Variants in EMP1 observed in about 807,000 individuals in gnomAD.
EMP1 encodes the protein tumor-associated membrane protein.
In EMP1, 5 loss-of-function variants were observed where a neutral mutation model predicts 15.7. The ratio of observed to expected loss-of-function variants is 0.32; its 90% CI spans 0.17 to 0.67. The LOEUF (loss-of-function observed/expected upper bound fraction) is 0.67, where lower values mean the gene tolerates loss of function less well. Ranked by LOEUF, EMP1 falls within the 30% of genes least tolerant of loss-of-function variation. EMP1 has a pLI of 0.74. For missense variants in EMP1, 166 were observed against 194.2 expected, an observed-to-expected ratio of 0.85 and a Z score of 0.86; for synonymous variants, 78 against 76.7, an observed-to-expected ratio of 1.02 and a Z score of -0.09.
chr12:13,213,896 C>T (rs915820160), intron 4 of EMP1, 75 bp downstream of exon 4: 4 of 1,583,846 alleles, frequency 2.5e-6, no homozygotes, highest in Non-Finnish European at 3.4e-6. Flanking sequence ...GCAACTTGAA[C>T]AGATTAGCAC....
At chr12:13,205,106 G>A (rs1178603928) in intron 1 of EMP1, among the ~76,000 whole-genome samples, 1 of 152,210 alleles carries the variant, frequency 6.6e-6, no homozygotes, top group Non-Finnish European at 1.5e-5. Flanking sequence ...CATGACTGGA[G>A]GAGGTTAAGC....
chr12:13,204,705 C>T (rs978426487), intron 1 of EMP1, among the ~76,000 whole-genome samples: 3 of 152,170 alleles, frequency 2.0e-5, no homozygotes, highest in East Asian at 1.9e-4. Flanking sequence ...TCTCTCTCCT[C>T]GTGCTTTGGA....
intron 1 of EMP1, among the ~76,000 whole-genome samples, chr12:13,205,050 A>C (rs1864099569): frequency 6.6e-6 from 1 of 152,222 alleles, no homozygotes; most frequent in African/African-American, 2.4e-5. Context: ...ATTGTCAGAA[A>C]AATCTTTCTA....
chr12:13,206,988 C>CAAT (rs2121152925), intron 1 of EMP1, among the ~76,000 whole-genome samples: 1 of 151,460 alleles, frequency 6.6e-6, no homozygotes, highest in East Asian at 1.9e-4. Flanking sequence ...GGCAAGAAGC[C>CAAT]AATAAAGATT....
chr12:13,199,729 C>T (rs114491339), intron 1 of EMP1, among the ~76,000 whole-genome samples: 1,743 of 152,210 alleles, frequency 0.011, 39 homozygotes, highest in African/African-American at 0.04. Flanking sequence ...CACACTCATT[C>T]CCCTTAGCAG....
In EMP1 at chr12:13,218,607, G is replaced by GA. The variant is rs1329684776; in HGVS notation, c.*3917dup. The GA allele has an allele frequency of 6.6e-6, 1 of 152,174 alleles. No individual in the cohort carries two copies. Among genetic ancestry groups the GA allele is most frequent in the Non-Finnish European group, 1.5e-5 (1 of 68,040 alleles). 9.4% of individuals were successfully genotyped at this position (152,174 alleles called of 1,614,324 possible). ...TCAGAGCACAAAACAGATAAGGAAA[G>GA]ATGTATGCTGATTGTGTGGAGCCCA... On this transcript the variant is annotated 3_prime_UTR_variant, in exon 5 of 5. Coordinates refer to ENST00000256951, the MANE Select transcript of EMP1 (RefSeq NM_001423.3).
chr12:13,209,285 TG>T (rs1427472641), intron 1 of EMP1: 5 of 152,186 alleles, frequency 3.3e-5, no homozygotes, highest in African/African-American at 1.2e-4. Context: ...GTGTGAATCT[TG>T]GGAGGTATGA....
chr12:13,214,477 C>A, intron 4 of EMP1, 57 bp from the exon 5 acceptor site: 4 of 1,582,772 alleles, frequency 2.5e-6, no homozygotes, highest in Non-Finnish European at 3.4e-6. Flanking sequence ...ATTAGTAAAA[C>A]TTTTTCTCGA....
intron 1 of EMP1, among the ~76,000 whole-genome samples, chr12:13,198,336 C>T (rs1261830688): frequency 6.6e-6 from 1 of 151,932 alleles, no homozygotes; most frequent in Non-Finnish European, 1.5e-5. Context: ...AACATAGACA[C>T]TGGTATATTT....
intron 1 of EMP1, among the ~76,000 whole-genome samples, chr12:13,207,563 AAAG>A (rs1167574100): frequency 1.3e-5 from 2 of 152,216 alleles, no homozygotes; most frequent in Admixed American, 6.5e-5. Flanking sequence ...GTTAGGGCAG[AAAG>A]AAGAACAGAA....
chr12:13,209,784 A>G (rs1383445154), intron 1 of EMP1, among the ~76,000 whole-genome samples: 1 of 152,162 alleles, frequency 6.6e-6, no homozygotes, highest in African/African-American at 2.4e-5. Flanking sequence ...TCAAGCAGAA[A>G]ATTGGGGAGG....
chr12:13,201,183 G>A (rs1438908802), intron 1 of EMP1, among the ~76,000 whole-genome samples: 1 of 152,088 alleles, frequency 6.6e-6, no homozygotes, highest in Non-Finnish European at 1.5e-5. Context: ...GAGGTGGGAG[G>A]ATCACTTGAA....
At chr12:13,213,396 T>C in intron 2 of EMP1, 83 bp from the exon 3 acceptor site, 4 of 1,257,200 alleles carry the variant, frequency 3.2e-6, no homozygotes, top group Middle Eastern at 1.9e-4. Context: ...TAAAATCTGA[T>C]CCCGATGCAA....
At chr12:13,208,231 A>G (rs755188194) in intron 1 of EMP1, among the ~76,000 whole-genome samples, 10 of 152,190 alleles carry the variant, frequency 6.6e-5, no homozygotes, top group Non-Finnish European at 1.5e-4. Context: ...CAGAGAATGA[A>G]TCTCCCCACA....
chr12:13,199,014 T>TGGGGTG (rs1864039280), intron 1 of EMP1, among the ~76,000 whole-genome samples: 1 of 138,414 alleles, frequency 7.2e-6, no homozygotes, highest in African/African-American at 2.7e-5. Context: ...CTCCGAAGAA[T>TGGGGTG]GGGGCGGGGG....
In EMP1 at chr12:13,197,828, G is replaced by A. The variant is rs1864028189; in HGVS notation, c.-43+956G>A. 3.9e-5 allele frequency among the ~76,000 whole-genome samples: 6 copies of A among 152,238 alleles called. No homozygotes were observed. In the South Asian group the frequency reaches 1.2e-3, roughly 32 times the overall value. On this transcript the variant is annotated intron_variant, in intron 1 of 4. Transcript: ENST00000256951. ...AATGAAAAAAGAAAACTGTTAGAGAGAGAAAGAGAGGGAGGCAAATGGTGT... is the reference window on the plus strand; with the variant it reads ...AATGAAAAAAGAAAACTGTTAGAGAAAGAAAGAGAGGGAGGCAAATGGTGT...
intron 1 of EMP1, chr12:13,209,426 C>A (rs999918074): frequency 6.6e-6 from 1 of 152,282 alleles, no homozygotes; most frequent in East Asian, 1.9e-4. Context: ...ATTGTATACA[C>A]CCTGCCTCGT....
Position 13,208,862 on chromosome 12 carries a change from G to A in EMP1, c.-42-2607G>A, listed in dbSNP as rs561606693. On this transcript the variant is annotated intron_variant, in intron 1 of 4. Transcript: ENST00000256951. Reference sequence around the variant, plus strand: ...AGGTGGATCCAGGGGCCAGGCACTCGCACACACCACCAGGGCTGTGATGCA... The same window carrying A: ...AGGTGGATCCAGGGGCCAGGCACTCACACACACCACCAGGGCTGTGATGCA... Among the ~76,000 whole-genome samples the A allele has an allele frequency of 1.3e-4, 20 of 152,280 alleles. 1 individual carries two copies. The highest frequency in any genetic ancestry group is 2.1e-4 in the South Asian group (1 of 4,826).
Position 13,214,367 on chromosome 12 carries a change from C to T in EMP1, c.317-167C>T, listed in dbSNP as rs554883323. The stretch of plus-strand genomic sequence containing the variant: ...CACCTCTAATTTATCAACATACCGT[C>T]GAGCTTGGCCCAGGGGACATCCATC... On this transcript the variant is annotated intron_variant, in intron 4 of 4. Coordinates refer to ENST00000256951, the MANE Select transcript of EMP1 (RefSeq NM_001423.3). 1.4e-4 allele frequency: 120 copies of T among 864,674 alleles called. 1 individual carries two copies. Among genetic ancestry groups the T allele is most frequent in the South Asian group, 1.1e-3 (60 of 55,696 alleles). The allele number at this position is 864,674 out of a possible 1,614,324, so 53.6% of individuals were successfully genotyped here. A position where few individuals can be genotyped will look rare whatever the true frequency, so the allele number is the denominator to read the frequency against.
Sources: allele counts gnomAD v4.1 joint callset (sites outside exome capture counted in the v4.1 genomes callset), GRCh38; gene constraint gnomAD v4.1.1; transcripts MANE v1.5; gene names NCBI Gene and HGNC (gene_info 2026-07-23, HGNC 2026-07-21).